The following FBXL20 variants were observed in gnomAD, a reference collection of about 807,000 sequenced individuals.
The protein encoded by FBXL20 is F-box and leucine rich repeat protein 20.
FBXL20 carries 11 observed loss-of-function variants against 64.0 expected under a neutral mutation model. That is an observed-to-expected ratio of 0.17 (90% CI 0.11 to 0.28). FBXL20 has a LOEUF of 0.28. Among genes scored for constraint, FBXL20 ranks in the 10% least tolerant of loss-of-function variants. The pLI, the probability that FBXL20 is intolerant of heterozygous loss-of-function variation, is 1.00. For missense variants in FBXL20, 303 were observed against 526.2 expected, an observed-to-expected ratio of 0.58 and a Z score of 4.15; for synonymous variants, 184 against 189.0, an observed-to-expected ratio of 0.97 and a Z score of 0.22.
At chr17:39,363,827 C>CAAAAAAAAAAAAAAAAAAAAAA (rs1555612706) in intron 1 of FBXL20, among the ~76,000 whole-genome samples, 15 of 78,002 alleles carry the variant, frequency 1.9e-4, no homozygotes, top group African/African-American at 2.7e-4. Context: ...AAAAAAAAAA[C>CAAAAAAAAAAAAAAAAAAAAAA]AAAAAACAAA....
intron 2 of FBXL20, among the ~76,000 whole-genome samples, chr17:39,317,047 ATAATT>A (rs2047299725): frequency 6.6e-6 from 1 of 152,222 alleles, no homozygotes; most frequent in East Asian, 1.9e-4. Context: ...CTTGGATAGC[ATAATT>A]TAATATCTTA....
chr17:39,328,033 AGGTCAGGAGTT>A (rs2047424770), intron 2 of FBXL20, among the ~76,000 whole-genome samples: 1 of 152,080 alleles, frequency 6.6e-6, no homozygotes, highest in African/African-American at 2.4e-5. Flanking sequence ...GCATCACATG[AGGTCAGGAGTT>A]TGAGACCAGC....
intron 2 of FBXL20, among the ~76,000 whole-genome samples, chr17:39,341,789 T>A (rs910360681): frequency 1.3e-5 from 2 of 152,194 alleles, no homozygotes; most frequent in African/African-American, 4.8e-5. Flanking sequence ...ATTTACGACT[T>A]GTTTGTGATA....
chr17:39,336,680 C>T (rs2047524855), intron 2 of FBXL20, among the ~76,000 whole-genome samples: 1 of 151,794 alleles, frequency 6.6e-6, no homozygotes, highest in Admixed American at 6.6e-5. Context: ...AAAAATTAGC[C>T]CAGTGTGGTG....
intron 2 of FBXL20, among the ~76,000 whole-genome samples, chr17:39,331,711 T>G (rs2047463053): frequency 6.6e-6 from 1 of 152,168 alleles, no homozygotes; most frequent in African/African-American, 2.4e-5. Context: ...GAAAGGTAAT[T>G]TAATTATTTC....
chr17:39,285,146 T>C (rs2046978008), intron 7 of FBXL20, among the ~76,000 whole-genome samples: 1 of 152,026 alleles, frequency 6.6e-6, no homozygotes, highest in African/African-American at 2.4e-5. Flanking sequence ...CCTCGTGATC[T>C]GCCTGCCTCG....
chr17:39,310,152 T>C (rs2047219870), intron 2 of FBXL20, among the ~76,000 whole-genome samples: 1 of 108,320 alleles, frequency 9.2e-6, no homozygotes, highest in African/African-American at 4.5e-5. Context: ...GTCTACAAAT[T>C]TAAAAAAAAA....
At chr17:39,396,010 G>GT (rs71353578) in intron 1 of FBXL20, among the ~76,000 whole-genome samples, 179 of 128,932 alleles carry the variant, frequency 1.4e-3, no homozygotes, top group Middle Eastern at 4.3e-3. Context: ...GTTTTGTGGG[G>GT]TTTTTTTTTT....
chr17:39,272,570 C>A (rs981396284), intron 10 of FBXL20, among the ~76,000 whole-genome samples: 1 of 150,786 alleles, frequency 6.6e-6, no homozygotes, highest in Non-Finnish European at 1.5e-5. Context: ...GGCATGGTAG[C>A]GTATGCCTGT....
At chr17:39,325,139 C>T (rs8069438) in intron 2 of FBXL20, among the ~76,000 whole-genome samples, 23,525 of 152,080 alleles carry the variant, frequency 0.15, 2,666 homozygotes, top group African/African-American at 0.33. Flanking sequence ...CCCTGGGAAG[C>T]TGAGGCTGCA....
intron 2 of FBXL20, among the ~76,000 whole-genome samples, chr17:39,324,569 C>A (rs62074998): frequency 0.047 from 7,170 of 152,296 alleles, 257 homozygotes; most frequent in Non-Finnish European, 0.073. Context: ...CAGGCGTGAG[C>A]AATGGCGCCT....
At chr17:39,326,801 C>T (rs1236744193) in intron 2 of FBXL20, among the ~76,000 whole-genome samples, 7 of 151,492 alleles carry the variant, frequency 4.6e-5, no homozygotes, top group Non-Finnish European at 4.4e-5. Context: ...TATACACACA[C>T]GCTTTTGTAG....
intron 2 of FBXL20, among the ~76,000 whole-genome samples, chr17:39,322,830 A>T (rs1286531090): frequency 6.6e-6 from 1 of 152,128 alleles, no homozygotes. Context: ...TTTGAGACAG[A>T]GTCTCGCTCT....
At chr17:39,392,072 G>A (rs2048139128) in intron 1 of FBXL20, among the ~76,000 whole-genome samples, 1 of 152,146 alleles carries the variant, frequency 6.6e-6, no homozygotes, top group South Asian at 2.1e-4. Flanking sequence ...AGGAGGTGGA[G>A]GCTACAGTGA....
chr17:39,366,069 AC>A, intron 1 of FBXL20, among the ~76,000 whole-genome samples: 1 of 152,038 alleles, frequency 6.6e-6, no homozygotes, highest in Non-Finnish European at 1.5e-5. Context: ...CGATCATAGT[AC>A]ACCCTCAAGC....
At chr17:39,273,585 T>C (rs2046865441) in intron 10 of FBXL20, among the ~76,000 whole-genome samples, 1 of 151,328 alleles carries the variant, frequency 6.6e-6, no homozygotes, top group African/African-American at 2.4e-5. Context: ...CCCAGCACTT[T>C]GGGAGGCCGA....
rs531073661 is a variant in FBXL20, at chr17:39,255,826, GA to G, written c.*5633del. 1.1e-3 allele frequency: 149 copies of G among 139,152 alleles called. 1 individual carries two copies. Among genetic ancestry groups the G allele is most frequent in the Middle Eastern group, 3.7e-3 (1 of 272 alleles). 8.6% of individuals were successfully genotyped at this position (139,152 alleles called of 1,614,324 possible). ...TATTGCACTCCAGCCTGGGCAACAAGAAAAAAAAAAAAAGTTTATCCCAAGT... is the reference window on the plus strand; with the variant it reads ...TATTGCACTCCAGCCTGGGCAACAAGAAAAAAAAAAAAGTTTATCCCAAGT... On this transcript the variant is annotated 3_prime_UTR_variant, in exon 15 of 15. Coordinates refer to ENST00000264658, the MANE Select transcript of FBXL20 (RefSeq NM_032875.3).
chr17:39,266,924 G>C (rs2046796951), intron 12 of FBXL20, among the ~76,000 whole-genome samples: 1 of 152,188 alleles, frequency 6.6e-6, no homozygotes, highest in African/African-American at 2.4e-5. Flanking sequence ...GGGAGGCTGA[G>C]GCAGGAGGAT....
rs144910361 is a variant in FBXL20, at chr17:39,267,645, G to C, written c.933+1182C>G. ...TTAACCAAGAATATTCAGGTAGGAA[G>C]AACAGTTTTCATGGTTATGTTAGGA... On this transcript the variant is annotated intron_variant, in intron 12 of 14. Transcript: ENST00000264658. Among the ~76,000 whole-genome samples, 12 of 152,336 alleles carry C rather than the reference G, an allele frequency of 7.9e-5. No homozygotes were observed. In the Middle Eastern group the frequency reaches 0.01, roughly 130 times the overall value.
Sources: allele counts gnomAD v4.1 joint callset (sites outside exome capture counted in the v4.1 genomes callset), GRCh38; gene constraint gnomAD v4.1.1; transcripts MANE v1.5; gene names NCBI Gene and HGNC (gene_info 2026-07-23, HGNC 2026-07-21).